CLSTN2: variants seen among roughly 807,000 people sequenced by gnomAD.
The protein encoded by CLSTN2 is calsyntenin-2.
Under a neutral mutation model 101.2 loss-of-function variants are expected in CLSTN2, and 48 were observed. The observed-to-expected ratio is 0.47, with a 90% CI of 0.38 to 0.60. The LOEUF (loss-of-function observed/expected upper bound fraction) is 0.60, where lower values mean the gene tolerates loss of function less well. Among genes scored for constraint, CLSTN2 ranks in the 20% least tolerant of loss-of-function variants. The pLI, the probability that CLSTN2 is intolerant of heterozygous loss-of-function variation, is 0.00. For synonymous variants in CLSTN2, 481 were observed against 463.6 expected, an observed-to-expected ratio of 1.04 and a Z score of -0.48; for missense variants, 1,160 against 1,238.2, an observed-to-expected ratio of 0.94 and a Z score of 0.95.
chr3:139,998,084 T>C lies in CLSTN2; in HGVS notation c.109+62601T>C, dbSNP rs375334080. Among the ~76,000 whole-genome samples the C allele has an allele frequency of 4.1e-4, 62 of 152,254 alleles. 1 individual carries two copies. In the South Asian group the frequency reaches 0.012, roughly 30 times the overall value. On this transcript the variant is annotated intron_variant, in intron 1 of 16. Transcript: ENST00000458420. The stretch of plus-strand genomic sequence containing the variant: ...TGGTCAAAAAGTTTTCTTTTCTACT[T>C]GCAAGTGGGTTGTGAGAATTAAGAG...
intron 2 of CLSTN2, among the ~76,000 whole-genome samples, chr3:140,339,553 C>T (rs912299080): frequency 6.6e-6 from 1 of 152,132 alleles, no homozygotes; most frequent in African/African-American, 2.4e-5. Context: ...GCCATAAACT[C>T]GACCTACTAA....
At chr3:140,359,526 C>T (rs1484209931) in intron 2 of CLSTN2, among the ~76,000 whole-genome samples, 1 of 152,182 alleles carries the variant, frequency 6.6e-6, no homozygotes, top group Admixed American at 6.5e-5. Context: ...TCACAATAAA[C>T]CATCTATGGT....
At chr3:140,262,514 G>T (rs1301830607) in intron 2 of CLSTN2, among the ~76,000 whole-genome samples, 1 of 152,038 alleles carries the variant, frequency 6.6e-6, no homozygotes, top group Non-Finnish European at 1.5e-5. Flanking sequence ...AAGTGAATGT[G>T]AAGAAGTAAT....
At chr3:140,190,438 C>CAAAAAAAAAAAAAA (rs35206840) in intron 2 of CLSTN2, among the ~76,000 whole-genome samples, 2 of 82,966 alleles carry the variant, frequency 2.4e-5, no homozygotes, top group Non-Finnish European at 2.4e-5. Context: ...TCTATAGCTA[C>CAAAAAAAAAAAAAA]AAAAAAAAAA....
intron 2 of CLSTN2, among the ~76,000 whole-genome samples, chr3:140,214,021 T>G (rs2010890441): frequency 6.6e-6 from 1 of 152,102 alleles, no homozygotes; most frequent in African/African-American, 2.4e-5. Context: ...AAAGTTTAAT[T>G]GGCCCAGCAG....
At chr3:140,337,815 C>T (rs1307084094) in intron 2 of CLSTN2, among the ~76,000 whole-genome samples, 3 of 152,196 alleles carry the variant, frequency 2.0e-5, no homozygotes, top group Admixed American at 6.5e-5. Context: ...CTTCAGAAGT[C>T]TTTGGATACT....
chr3:140,343,371 A>G (rs2087509880), intron 2 of CLSTN2, among the ~76,000 whole-genome samples: 2 of 152,202 alleles, frequency 1.3e-5, no homozygotes, highest in African/African-American at 4.8e-5. Context: ...TAACTCTACT[A>G]TGCCTTAAGA....
chr3:140,552,261 T>C (rs1935716797), intron 10 of CLSTN2, among the ~76,000 whole-genome samples: 1 of 152,128 alleles, frequency 6.6e-6, no homozygotes, highest in African/African-American at 2.4e-5. Flanking sequence ...ACAGCACAGA[T>C]ACCCAAGGGC....
At chr3:140,274,338 T>TG (rs2086774126) in intron 2 of CLSTN2, among the ~76,000 whole-genome samples, 1 of 152,170 alleles carries the variant, frequency 6.6e-6, no homozygotes. Context: ...AACAGACCCC[T>TG]GCTGCTTATG....
At chr3:140,268,326 C>T (rs1044793052) in intron 2 of CLSTN2, among the ~76,000 whole-genome samples, 1 of 152,172 alleles carries the variant, frequency 6.6e-6, no homozygotes, top group Non-Finnish European at 1.5e-5. Context: ...ACCAATCATT[C>T]GTCCAGCAGT....
intron 8 of CLSTN2, among the ~76,000 whole-genome samples, chr3:140,468,541 T>C (rs1285630790): frequency 2.0e-5 from 3 of 152,198 alleles, no homozygotes; most frequent in Non-Finnish European, 2.9e-5. Flanking sequence ...CCTGATCTCA[T>C]TGACTACCGT....
intron 4 of CLSTN2, among the ~76,000 whole-genome samples, chr3:140,406,147 A>G (rs1436351209): frequency 6.6e-6 from 1 of 152,234 alleles, no homozygotes; most frequent in Non-Finnish European, 1.5e-5. Flanking sequence ...TGTCTAGAGG[A>G]AAATAGCATC....
At chr3:140,324,363 AT>A (rs1314898620) in intron 2 of CLSTN2, among the ~76,000 whole-genome samples, 1 of 152,228 alleles carries the variant, frequency 6.6e-6, no homozygotes, top group Admixed American at 6.5e-5. Flanking sequence ...ATTAAAAATA[AT>A]TTTTAAGTGA....
At chr3:140,065,511 A>G (rs930649977) in intron 1 of CLSTN2, among the ~76,000 whole-genome samples, 4 of 152,218 alleles carry the variant, frequency 2.6e-5, no homozygotes, top group Non-Finnish European at 5.9e-5. Context: ...ATTGTGTTGA[A>G]AACTTCACAA....
At chr3:140,049,542 T>G (rs186123239) in intron 1 of CLSTN2, among the ~76,000 whole-genome samples, 1 of 152,196 alleles carries the variant, frequency 6.6e-6, no homozygotes, top group Non-Finnish European at 1.5e-5. Context: ...CCTCCAGTAC[T>G]GGGGCTGACA....
At chr3:140,283,180 A>C (rs1315931013) in intron 2 of CLSTN2, among the ~76,000 whole-genome samples, 5 of 152,186 alleles carry the variant, frequency 3.3e-5, no homozygotes, top group African/African-American at 9.7e-5. Flanking sequence ...CTAATATGGC[A>C]AACTTTGTTT....
intron 2 of CLSTN2, among the ~76,000 whole-genome samples, chr3:140,183,853 T>C (rs2010445731): frequency 6.6e-6 from 1 of 152,258 alleles, no homozygotes; most frequent in African/African-American, 2.4e-5. Context: ...GAGAGACCGA[T>C]GTTAAGTCAG....
chr3:140,221,000 G>A (rs940092632), intron 2 of CLSTN2, among the ~76,000 whole-genome samples: 3 of 152,322 alleles, frequency 2.0e-5, no homozygotes, highest in Admixed American at 6.5e-5. Context: ...AGGCTCAGCC[G>A]ACAGGCTGGA....
intron 1 of CLSTN2, among the ~76,000 whole-genome samples, chr3:140,006,144 G>A (rs1394007182): frequency 3.9e-5 from 6 of 152,230 alleles, no homozygotes; most frequent in Non-Finnish European, 5.9e-5. Context: ...TCTCAGTGGA[G>A]TTTCCATGGG....
Sources: gnomAD v4.1 joint callset for allele counts (sites outside exome capture counted in the v4.1 genomes callset) on GRCh38, gnomAD v4.1.1 for gene constraint, MANE v1.5 for transcripts, NCBI Gene and HGNC (gene_info 2026-07-23, HGNC 2026-07-21) for gene names.